MICA: variants seen among roughly 807,000 people sequenced by gnomAD.
The protein encoded by MICA is MHC class I polypeptide-related sequence A.
A neutral mutation model predicts 34.3 loss-of-function variants in MICA; 18 were observed. The observed-to-expected ratio is 0.52, with a 90% CI of 0.36 to 0.78. The LOEUF is 0.78. Ranked by LOEUF, MICA falls within the 30% of genes least tolerant of loss-of-function variation. The probability of loss-of-function intolerance (pLI) is 0.00; values close to 1 mark genes in which losing one functional copy is unlikely to be tolerated. For missense variants in MICA, 333 were observed against 409.4 expected (o/e 0.81, Z 1.61); for synonymous variants, 135 against 156.9 (o/e 0.86, Z 1.04).
In MICA at chr6:31,412,422, G is replaced by A. The variant is rs1449555706; in HGVS notation, c.990G>A (p.Pro330=). 8.9e-6 allele frequency: 14 copies of A among 1,570,306 alleles called. No homozygotes were observed. The highest frequency in any genetic ancestry group is 1.7e-4 in the Middle Eastern group (1 of 6,030). ...CYFCYYYFLC[P]LL ...TTTGTTATTATTATTTTCTATGTCC[G>A]TTGTTGTAAGAAGAAAACATCAGCT... Residue 330 remains proline, a synonymous_variant, in exon 5 of 6, where the codon CCG becomes CCA. Transcript: ENST00000449934.
chr6:31,411,938 C>A lies in MICA; in HGVS notation c.614-9C>A. 1 of 1,608,836 alleles carries A rather than the reference C, an allele frequency of 6.2e-7. No homozygotes were observed. Among genetic ancestry groups the A allele is most frequent in the Non-Finnish European group, 8.5e-7 (1 of 1,177,582 alleles). ...CAGGGCTTCACTGGCTCTGCCCTTT[C>A]TTCTCCAGTGCCCCCCATGGTGAAT... On this transcript the variant is annotated splice_polypyrimidine_tract_variant and intron_variant, in intron 3 of 5. Transcript: ENST00000449934. The surrounding 1 kb of genome is among the most constrained non-coding windows in gnomAD (Gnocchi z 4.3).
intron 1 of MICA, among the ~76,000 whole-genome samples, chr6:31,406,469 T>C (rs544338446): frequency 6.6e-6 from 1 of 152,002 alleles, no homozygotes; most frequent in East Asian, 1.9e-4. Flanking sequence ...CTTTGTCAGA[T>C]GAATAGTTTG....
Position 31,411,341 on chromosome 6 carries a change from G to T in MICA, c.595G>T (p.Val199Leu). ...ACTACGGCGATATCTAGAATCCGGC[G>T]TAGTCCTGAGGAGAACAGGTACCGA... ...QELRRYLESG[V>L]VLRRTVPPMV... The change falls in exon 3 of 6, where the codon GTA becomes TTA. Residue 199 changes from valine (V) to leucine (L), a missense_variant. By Grantham distance (32) the Val-to-Leu change is conservative (BLOSUM62 1). Coordinates refer to ENST00000449934, the MANE Select transcript of MICA (RefSeq NM_001177519.3). This position sits in a 1 kb window ranked among gnomAD's most constrained non-coding sequence, Gnocchi z 4.3. 6.4e-7 allele frequency: 1 copy of T among 1,571,514 alleles called. No individual in the cohort carries two copies. The highest frequency in any genetic ancestry group is 8.6e-7 in the Non-Finnish European group (1 of 1,159,180).
chr6:31,412,537 GAT>G, intron 5 of MICA, 77 bp downstream of exon 5: 1 of 919,424 alleles, frequency 1.1e-6, no homozygotes, highest in Non-Finnish European at 1.7e-6. Context: ...CTCCTGCAAA[GAT>G]AGGCATGTTG....
Position 31,410,996 on chromosome 6 carries a change from C to G in MICA, c.326-76C>G, listed in dbSNP as rs530390196. ...TGGAGGAGGGCCAGGGAGGCATACC[C>G]CCTGGGCTGAGTTCCTCACTTGGGT... is the stretch of plus-strand genomic sequence containing the variant. On this transcript the variant is annotated intron_variant, in intron 2 of 5. Coordinates refer to ENST00000449934, the MANE Select transcript of MICA (RefSeq NM_001177519.3). 11 of 1,494,508 alleles carry G rather than the reference C, an allele frequency of 7.4e-6. No individual in the cohort carries two copies. The African/African-American group carries it at 1.4e-4, about 19-fold the overall frequency. The allele number at this position is 1,494,508 out of a possible 1,614,324, so 92.6% of individuals were successfully genotyped here.
Position 31,412,097 on chromosome 6 carries a change from A to T in MICA, c.764A>T (p.Asp255Val). 6.2e-7 allele frequency: 1 copy of T among 1,612,870 alleles called. No homozygotes were observed. The highest frequency in any genetic ancestry group is 8.5e-7 in the Non-Finnish European group (1 of 1,179,860). ...AGCCACGACACCCAGCAGTGGGGGG[A>T]TGTCCTGCCTGATGGGAATGGAACC... The part of the protein sequence containing the change: ...SLSHDTQQWG[D>V]VLPDGNGTYQ... The change falls in exon 4 of 6, where the codon GAT becomes GTT. Residue 255 changes from aspartate to valine, a missense_variant. Asp to Val is a radical substitution (Grantham distance 152, BLOSUM62 -3). Coordinates refer to ENST00000449934, the MANE Select transcript of MICA (RefSeq NM_001177519.3).
Position 31,415,177 on chromosome 6 carries a change from T to A in MICA, c.*195T>A. Reference sequence around the variant, plus strand: ...GGCGGCTGGAATTGAATTCCCTGCCTGGATCTCACAAGCACTTTCCCTCTT... The same window carrying A: ...GGCGGCTGGAATTGAATTCCCTGCCAGGATCTCACAAGCACTTTCCCTCTT... On this transcript the variant is annotated 3_prime_UTR_variant, in exon 6 of 6. Transcript: ENST00000449934. The A allele has an allele frequency of 1.2e-6, 1 of 823,792 alleles. No individual in the cohort carries two copies. The highest frequency in any genetic ancestry group is 2.1e-6 in the Non-Finnish European group (1 of 480,928). The allele number at this position is 823,792 out of a possible 1,614,324, so 51.0% of individuals were successfully genotyped here. A position where few individuals can be genotyped will look rare whatever the true frequency, so the allele number is the denominator to read the frequency against.
rs756287509 is a variant in MICA at position 31,410,685 on chromosome 6, G to A, written c.213G>A (p.Gln71=). ...RQKCRAKPQG[Q]WAEDVLGNKT... ...AATGCAGGGCAAAGCCCCAGGGACA[G>A]TGGGCAGAAGATGTCCTGGGAAATA... The change falls in exon 2 of 6, where the codon CAG becomes CAA. Residue 71 remains glutamine (Q), a synonymous_variant. Transcript: ENST00000449934. 7.4e-6 allele frequency: 12 copies of A among 1,613,360 alleles called. No homozygotes were observed. Among genetic ancestry groups the A allele is most frequent in the Non-Finnish European group, 1.0e-5 (12 of 1,180,014 alleles).
At chr6:31,410,897 G>T in intron 2 of MICA, 100 bp downstream of exon 2, 2 of 1,484,340 alleles carry the variant, frequency 1.3e-6, no homozygotes, top group African/African-American at 1.4e-5. Context: ...TCTGGCTCAG[G>T]CTGGGGGTGA....
chr6:31,402,169 A>T (rs1770466711), upstream of MICA: 1 of 151,584 alleles, frequency 6.6e-6, no homozygotes, highest in South Asian at 2.1e-4. Flanking sequence ...TAGTCAAGTG[A>T]AACAGTGGGA....
upstream of MICA, chr6:31,400,744 G>C (rs779467667): frequency 1.3e-5 from 2 of 152,670 alleles, no homozygotes; most frequent in African/African-American, 4.8e-5. Flanking sequence ...GTCTGAGAGA[G>C]GGAAGTCGCC....
upstream of MICA, chr6:31,403,582 C>T (rs1334705080): frequency 3.5e-6 from 5 of 1,427,238 alleles, no homozygotes; most frequent in Non-Finnish European, 4.6e-6. The surrounding 1 kb of genome is among the most constrained non-coding windows in gnomAD (Gnocchi z 4.7). Flanking sequence ...TCCGCGGCGC[C>T]TTCTCCCCGG....
At chr6:31,409,280 A>G (rs965526076) in intron 1 of MICA, among the ~76,000 whole-genome samples, 6 of 141,024 alleles carry the variant, frequency 4.3e-5, no homozygotes, top group African/African-American at 1.5e-4. Context: ...CAGGGGCTTC[A>G]TTTTCTCTGT....
rs1771199688 is a variant in MICA at position 31,412,066 on chromosome 6, T to C, written c.733T>C (p.Ser245Pro). Reference protein sequence around the residue: ...IILTWRQDGVSLSHDTQQWGD... With the variant: ...IILTWRQDGVPLSHDTQQWGD... ...ACTGACCTGGCGTCAGGATGGGGTA[T>C]CTTTGAGCCACGACACCCAGCAGTG... The change falls in exon 4 of 6, where the codon TCT (serine) becomes CCT (proline). Residue 245 changes from serine (S) to proline (P), a missense_variant. Physicochemically the swap from Ser to Pro is moderately conservative, Grantham distance 74. Transcript: ENST00000449934. 5 of 1,612,960 alleles carry C rather than the reference T, an allele frequency of 3.1e-6. No homozygotes were observed. Among genetic ancestry groups the C allele is most frequent in the Non-Finnish European group, 4.2e-6 (5 of 1,179,902 alleles).
In MICA at chr6:31,412,465, G is replaced by C. The variant is rs749653496; in HGVS notation, c.*29+5G>C. On this transcript the variant is annotated splice_donor_5th_base_variant and intron_variant, in intron 5 of 5. Coordinates refer to ENST00000449934, the MANE Select transcript of MICA (RefSeq NM_001177519.3). ...CATCAGCTGCAGAGGGTCCAGGTGA[G>C]AAAAGCGGGCAGTTTCTGGAGATGG... The C allele has an allele frequency of 1.2e-5, 18 of 1,548,260 alleles. No individual in the cohort carries two copies. Among genetic ancestry groups the C allele is most frequent in the Non-Finnish European group, 1.5e-5 (17 of 1,140,766 alleles).
At chr6:31,403,498 C>T, upstream of MICA, 1 of 645,022 alleles carries the variant, frequency 1.6e-6, no homozygotes, top group Non-Finnish European at 2.5e-6. The surrounding 1 kb of genome is among the most constrained non-coding windows in gnomAD (Gnocchi z 4.7). Context: ...CCTCTCCGCT[C>T]GTGATTGGCC....
At chr6:31,410,970 A>T in intron 2 of MICA, 102 bp from the exon 3 acceptor site, 1 of 1,474,874 alleles carries the variant, frequency 6.8e-7, no homozygotes. Flanking sequence ...ACAGGGAGGC[A>T]TGGAGGAGGG....
In MICA at chr6:31,411,171, C is replaced by A; in HGVS notation, c.425C>A (p.Ser142Tyr). 6.2e-7 allele frequency: 1 copy of A among 1,613,188 alleles called. No individual in the cohort carries two copies. The highest frequency in any genetic ancestry group is 1.1e-5 in the South Asian group (1 of 90,988). The change falls in exon 3 of 6, where the codon TCC becomes TAC. Residue 142 changes from serine (S) to tyrosine (Y), a missense_variant. By Grantham distance (144) the Ser-to-Tyr change is moderately radical. Coordinates refer to ENST00000449934, the MANE Select transcript of MICA (RefSeq NM_001177519.3). This position sits in a 1 kb window ranked among gnomAD's most constrained non-coding sequence, Gnocchi z 4.3. ...HFYYDGELFL[S>Y]QNLETEEWTV... ...TACTACGATGGGGAGCTCTTCCTCT[C>A]CCAAAACCTGGAGACTGAGGAATGG...
chr6:31,414,924 T>C (rs1582690438), intron 5 of MICA, 88 bp from the exon 6 acceptor site: 1 of 1,103,824 alleles, frequency 9.1e-7, no homozygotes, highest in East Asian at 2.8e-5. Context: ...AATCTGGTTT[T>C]GGAGCAACTG....
Sources: allele counts gnomAD v4.1 joint callset (sites outside exome capture counted in the v4.1 genomes callset), GRCh38; gene constraint gnomAD v4.1.1; non-coding constraint Gnocchi (gnomAD v3.1); transcripts MANE v1.5; gene names NCBI Gene and HGNC (gene_info 2026-07-23, HGNC 2026-07-21).